Variants in CNKSR3 observed in about 807,000 individuals in gnomAD.
CNKSR3 encodes connector enhancer of kinase suppressor of ras 3.
In CNKSR3, 36 loss-of-function variants were observed where a neutral mutation model predicts 67.7. That is an observed-to-expected ratio of 0.53 (90% CI 0.41 to 0.70). The LOEUF is 0.70. Ranked by LOEUF, CNKSR3 falls within the 30% of genes least tolerant of loss-of-function variation. CNKSR3 has a pLI of 0.00. For missense variants in CNKSR3, 630 were observed against 695.2 expected, an observed-to-expected ratio of 0.91 and a Z score of 1.05; for synonymous variants, 281 against 271.4, an observed-to-expected ratio of 1.04 and a Z score of -0.35.
intron 1 of CNKSR3, among the ~76,000 whole-genome samples, chr6:154,497,711 T>A (rs1010466100): frequency 1.3e-5 from 2 of 152,262 alleles, no homozygotes; most frequent in African/African-American, 4.8e-5. Context: ...CCTGTATACT[T>A]ACAACGCAAA....
chr6:154,418,482 C>T (rs548481551), intron 9 of CNKSR3, among the ~76,000 whole-genome samples: 2 of 152,256 alleles, frequency 1.3e-5, no homozygotes, highest in Admixed American at 6.5e-5. Context: ...TGCTCCCATC[C>T]GCCAATGCAA....
In CNKSR3 at chr6:154,402,872, T is replaced by C. The variant is rs552603477; in HGVS notation, c.*3482A>G. The C allele has an allele frequency of 3.3e-5, 5 of 152,224 alleles. No homozygotes were observed. The highest frequency in any genetic ancestry group is 2.1e-4 in the South Asian group (1 of 4,828). 9.4% of individuals were successfully genotyped at this position (152,224 alleles called of 1,614,324 possible). A position where few individuals can be genotyped will look rare whatever the true frequency, so the allele number is the denominator to read the frequency against. ...TTTATACACACACATACAAAGTATG[T>C]GCCCTGCTTAGTAGTTTAATTACAT... On this transcript the variant is annotated 3_prime_UTR_variant, in exon 13 of 13. Coordinates refer to ENST00000607772, the MANE Select transcript of CNKSR3 (RefSeq NM_173515.4).
chr6:154,390,666 T>C lies in CNKSR3; in HGVS notation c.*15688A>G, dbSNP rs889763074. 1 of 152,290 alleles carries C rather than the reference T, an allele frequency of 6.6e-6. No individual in the cohort carries two copies. The highest frequency in any genetic ancestry group is 2.4e-5 in the African/African-American group (1 of 41,452). The allele number at this position is 152,290 out of a possible 1,614,324, so 9.4% of individuals were successfully genotyped here. The stretch of plus-strand genomic sequence containing the variant: ...GTCAGCAAGGCTGTGCATCATTTTG[T>C]GTATTAGTTTGTTGGGGCTGCCATA... On this transcript the variant is annotated 3_prime_UTR_variant, in exon 13 of 13. Coordinates refer to ENST00000607772, the MANE Select transcript of CNKSR3 (RefSeq NM_173515.4).
At chr6:154,471,632 A>C (rs527682496) in intron 1 of CNKSR3, among the ~76,000 whole-genome samples, 29 of 152,326 alleles carry the variant, frequency 1.9e-4, no homozygotes, top group African/African-American at 7.0e-4. Flanking sequence ...TGCTAAAAGA[A>C]AAATTTGCAA....
chr6:154,406,261 A>C lies in CNKSR3; in HGVS notation c.*93T>G. On this transcript the variant is annotated 3_prime_UTR_variant, in exon 13 of 13. Transcript: ENST00000607772. ...AAAAGAAATTGCATAAGGTCCCTAC[A>C]TAATACTGAGGCTGAAACGAGAAGA... 2 of 1,219,386 alleles carry C rather than the reference A, an allele frequency of 1.6e-6. No individual in the cohort carries two copies. Among genetic ancestry groups the C allele is most frequent in the Non-Finnish European group, 2.3e-6 (2 of 876,150 alleles). 75.5% of individuals were successfully genotyped at this position (1,219,386 alleles called of 1,614,324 possible).
intron 4 of CNKSR3, among the ~76,000 whole-genome samples, chr6:154,438,173 T>C (rs533840074): frequency 6.6e-6 from 1 of 152,354 alleles, no homozygotes; most frequent in African/African-American, 2.4e-5. Context: ...ATATTATTTA[T>C]CTGTATCTAA....
At chr6:154,471,418 C>T (rs1383077817) in intron 1 of CNKSR3, among the ~76,000 whole-genome samples, 1 of 152,048 alleles carries the variant, frequency 6.6e-6, no homozygotes, top group East Asian at 1.9e-4. Flanking sequence ...CAGAGGCATG[C>T]AATCCCAGCT....
chr6:154,486,299 CTTTTTTT>C (rs760666886), intron 1 of CNKSR3, among the ~76,000 whole-genome samples: 1 of 138,694 alleles, frequency 7.2e-6, no homozygotes, highest in Non-Finnish European at 1.6e-5. Flanking sequence ...CTCTCTTTTT[CTTTTTTT>C]TTTTTTTTAG....
At chr6:154,473,674 G>A (rs1057378865) in intron 1 of CNKSR3, among the ~76,000 whole-genome samples, 2 of 152,186 alleles carry the variant, frequency 1.3e-5, no homozygotes, top group African/African-American at 2.4e-5. Context: ...AGACAGTGAA[G>A]TCAGAGTGGG....
chr6:154,488,850 C>T (rs1055173289), intron 1 of CNKSR3, among the ~76,000 whole-genome samples: 1 of 152,128 alleles, frequency 6.6e-6, no homozygotes, highest in Non-Finnish European at 1.5e-5. Flanking sequence ...TAAAATGTAC[C>T]TTGTTAAATT....
Position 154,388,099 on chromosome 6 carries a change from T to C in CNKSR3, c.*18255A>G, listed in dbSNP as rs1216310965. The C allele has an allele frequency of 1.3e-5, 2 of 152,172 alleles. No individual in the cohort carries two copies. The highest frequency in any genetic ancestry group is 2.9e-5 in the Non-Finnish European group (2 of 68,024). The allele number at this position is 152,172 out of a possible 1,614,324, so 9.4% of individuals were successfully genotyped here. A position where few individuals can be genotyped will look rare whatever the true frequency, so the allele number is the denominator to read the frequency against. On this transcript the variant is annotated 3_prime_UTR_variant, in exon 13 of 13. Coordinates refer to ENST00000607772, the MANE Select transcript of CNKSR3 (RefSeq NM_173515.4). Reference sequence around the variant, plus strand: ...AGTATTGTTGACTATAGGTGCAATATTGTACCACAAATCTCTAGAGCTTAT... The same window carrying C: ...AGTATTGTTGACTATAGGTGCAATACTGTACCACAAATCTCTAGAGCTTAT...
chr6:154,453,700 A>C (rs1785888103), intron 1 of CNKSR3, among the ~76,000 whole-genome samples: 1 of 152,232 alleles, frequency 6.6e-6, no homozygotes, highest in Non-Finnish European at 1.5e-5. Flanking sequence ...AATACAATTA[A>C]ACATTTATAA....
intron 2 of CNKSR3, among the ~76,000 whole-genome samples, chr6:154,448,027 CT>C (rs929154520): frequency 4.6e-4 from 70 of 152,274 alleles, no homozygotes; most frequent in Middle Eastern, 3.4e-3. Context: ...GTGACCCCCC[CT>C]GTCCAATGTA....
chr6:154,415,248 T>A (rs1785000603), intron 9 of CNKSR3, among the ~76,000 whole-genome samples: 1 of 140,100 alleles, frequency 7.1e-6, no homozygotes, highest in Non-Finnish European at 1.5e-5. Flanking sequence ...TTTTTTTTTT[T>A]AAGATGGAGT....
chr6:154,405,591 C>T lies in CNKSR3; in HGVS notation c.*763G>A, dbSNP rs1784771647. 6.6e-6 allele frequency: 1 copy of T among 152,186 alleles called. No homozygotes were observed. Among genetic ancestry groups the T allele is most frequent in the African/African-American group, 2.4e-5 (1 of 41,444 alleles). The allele number at this position is 152,186 out of a possible 1,614,324, so 9.4% of individuals were successfully genotyped here. On this transcript the variant is annotated 3_prime_UTR_variant, in exon 13 of 13. Coordinates refer to ENST00000607772, the MANE Select transcript of CNKSR3 (RefSeq NM_173515.4). ...TCTTTCATCAACCTAAATCTTGTTG[C>T]TTCACTTTTCTAAATGATACTTTGG...
rs1021541145 is a variant in CNKSR3 at position 154,392,324 on chromosome 6, T to C, written c.*14030A>G. ...TGAATAGCTGTAATTTATTCATTTT[T>C]ACTTGCTGCAGAATATTCCATGGTA... On this transcript the variant is annotated 3_prime_UTR_variant, in exon 13 of 13. Transcript: ENST00000607772. 6.6e-6 allele frequency: 1 copy of C among 152,262 alleles called. No homozygotes were observed. The highest frequency in any genetic ancestry group is 2.4e-5 in the African/African-American group (1 of 41,472). The allele number at this position is 152,262 out of a possible 1,614,324, so 9.4% of individuals were successfully genotyped here. A position where few individuals can be genotyped will look rare whatever the true frequency, so the allele number is the denominator to read the frequency against.
At chr6:154,504,159 T>G (rs1251531494) in intron 1 of CNKSR3, among the ~76,000 whole-genome samples, 1 of 152,174 alleles carries the variant, frequency 6.6e-6, no homozygotes, top group African/African-American at 2.4e-5. Flanking sequence ...AGGTACTATT[T>G]TTTAAAAGTG....
chr6:154,497,882 A>G (rs1281021456), intron 1 of CNKSR3, among the ~76,000 whole-genome samples: 1 of 152,222 alleles, frequency 6.6e-6, no homozygotes, highest in Non-Finnish European at 1.5e-5. Flanking sequence ...TCAACAGATA[A>G]CTTACTAATT....
At chr6:154,455,487 CT>C (rs571100858) in intron 1 of CNKSR3, among the ~76,000 whole-genome samples, 3,527 of 145,756 alleles carry the variant, frequency 0.024, 73 homozygotes, top group African/African-American at 0.055. Context: ...ATTTTCTTTC[CT>C]TTTTTTTTTT....
Sources: gnomAD v4.1 joint callset for allele counts (sites outside exome capture counted in the v4.1 genomes callset) on GRCh38, gnomAD v4.1.1 for gene constraint, MANE v1.5 for transcripts, NCBI Gene and HGNC (gene_info 2026-07-23, HGNC 2026-07-21) for gene names.